Variants in PRR5L observed in about 807,000 individuals in gnomAD.
The protein encoded by PRR5L is proline rich 5 like, also known as proline-rich protein 5-like.
A neutral mutation model predicts 36.4 loss-of-function variants in PRR5L; 21 were observed. The ratio of observed to expected loss-of-function variants is 0.58; its 90% CI spans 0.41 to 0.83. The LOEUF is 0.83. Ranked by LOEUF, PRR5L falls within the 40% of genes least tolerant of loss-of-function variation. PRR5L has a pLI of 0.00. For synonymous variants in PRR5L, 188 were observed against 197.0 expected (o/e 0.95, Z 0.38); for missense variants, 381 against 473.3 (o/e 0.80, Z 1.81).
intron 1 of PRR5L, among the ~76,000 whole-genome samples, chr11:36,392,432 C>T (rs991963109): frequency 3.9e-5 from 6 of 152,136 alleles, no homozygotes; most frequent in African/African-American, 1.4e-4. Context: ...ACATTCCCAC[C>T]AACAGTATAT....
At chr11:36,322,843 A>T (rs973889124) in intron 1 of PRR5L, among the ~76,000 whole-genome samples, 1 of 152,180 alleles carries the variant, frequency 6.6e-6, no homozygotes, top group African/African-American at 2.4e-5. Flanking sequence ...TGGAGTCCTT[A>T]TAAAAAGAGA....
chr11:36,379,147 A>T (rs141788060), intron 1 of PRR5L, among the ~76,000 whole-genome samples: 35 of 152,370 alleles, frequency 2.3e-4, no homozygotes, highest in African/African-American at 8.2e-4. Context: ...CCTAAATCAT[A>T]ATCCTCACTT....
At chr11:36,318,403 T>C (rs1345400763) in intron 1 of PRR5L, among the ~76,000 whole-genome samples, 2 of 152,212 alleles carry the variant, frequency 1.3e-5, no homozygotes, top group African/African-American at 4.8e-5. Flanking sequence ...TATCTACTAG[T>C]TGCGAACCAT....
intron 6 of PRR5L, among the ~76,000 whole-genome samples, chr11:36,441,637 C>T (rs574290304): frequency 3.3e-5 from 5 of 152,328 alleles, no homozygotes; most frequent in South Asian, 2.1e-4. Flanking sequence ...CCCCTTCCCA[C>T]GGCTCCACTA....
At chr11:36,361,605 A>G (rs1857089595) in intron 1 of PRR5L, among the ~76,000 whole-genome samples, 1 of 152,212 alleles carries the variant, frequency 6.6e-6, no homozygotes, top group Non-Finnish European at 1.5e-5. Flanking sequence ...ACCAGAGGAA[A>G]GAAATCATTG....
intron 1 of PRR5L, among the ~76,000 whole-genome samples, chr11:36,394,942 T>C (rs1227727706): frequency 6.6e-6 from 1 of 152,222 alleles, no homozygotes; most frequent in Non-Finnish European, 1.5e-5. Context: ...CCCCCAGAGC[T>C]CTGAGTGATA....
At chr11:36,331,119 T>C (rs1227222220) in intron 1 of PRR5L, among the ~76,000 whole-genome samples, 1 of 152,202 alleles carries the variant, frequency 6.6e-6, no homozygotes, top group Non-Finnish European at 1.5e-5. Flanking sequence ...ATTGACAGAT[T>C]TCTAAGAACA....
chr11:36,353,161 G>A (rs929109976), intron 1 of PRR5L, among the ~76,000 whole-genome samples: 1 of 152,016 alleles, frequency 6.6e-6, no homozygotes, highest in East Asian at 1.9e-4. Flanking sequence ...TCATATGTTC[G>A]GCAGCATCCT....
intron 1 of PRR5L, among the ~76,000 whole-genome samples, chr11:36,303,757 A>G (rs142442774): frequency 0.012 from 1,877 of 152,334 alleles, 14 homozygotes; most frequent in Middle Eastern, 0.034. Flanking sequence ...GCTTAACTGG[A>G]ATGAAAAATT....
Position 36,422,530 on chromosome 11 carries a change from A to T in PRR5L, c.294+3227A>T, listed in dbSNP as rs540334922. Among the ~76,000 whole-genome samples, 3 of 152,188 alleles carry T rather than the reference A, an allele frequency of 2.0e-5. No homozygotes were observed. In the East Asian group the frequency reaches 5.8e-4, roughly 29 times the overall value. ...ATTCAGCAGTCAAGTCTGTCTCCTC[A>T]CCCTGACCCCCAACTCTGAGCTTGC... On this transcript the variant is annotated intron_variant, in intron 4 of 8. Transcript: ENST00000530639.
intron 3 of PRR5L, among the ~76,000 whole-genome samples, chr11:36,410,534 C>T (rs1020558746): frequency 6.6e-6 from 1 of 152,222 alleles, no homozygotes; most frequent in Admixed American, 6.5e-5. Context: ...TGAGGATACA[C>T]TCCTACCTGT....
chr11:36,332,154 C>G (rs76351152), intron 1 of PRR5L, among the ~76,000 whole-genome samples: 1,967 of 152,134 alleles, frequency 0.013, 49 homozygotes, highest in African/African-American at 0.045. Context: ...GAGGTACACA[C>G]AGAAATCAAT....
intron 1 of PRR5L, among the ~76,000 whole-genome samples, chr11:36,346,743 G>A (rs1471687176): frequency 6.6e-6 from 1 of 152,066 alleles, no homozygotes; most frequent in Non-Finnish European, 1.5e-5. Flanking sequence ...TATTAGCTCC[G>A]TAGGCAGTGA....
intron 3 of PRR5L, among the ~76,000 whole-genome samples, chr11:36,415,495 G>A (rs2133577189): frequency 6.6e-6 from 1 of 152,338 alleles, no homozygotes; most frequent in East Asian, 1.9e-4. Context: ...TGTAATCCTA[G>A]CACTTTGGGA....
intron 1 of PRR5L, among the ~76,000 whole-genome samples, chr11:36,330,682 A>C (rs1299037617): frequency 6.6e-6 from 1 of 152,238 alleles, no homozygotes; most frequent in African/African-American, 2.4e-5. Flanking sequence ...ATTATAATGT[A>C]ATTGATAAGA....
At chr11:36,402,304 T>A (rs1366979553) in intron 2 of PRR5L, among the ~76,000 whole-genome samples, 1 of 152,210 alleles carries the variant, frequency 6.6e-6, no homozygotes, top group East Asian at 1.9e-4. Flanking sequence ...AGTGCAGTGG[T>A]GCAATCTTGG....
At chr11:36,441,706 T>C in intron 6 of PRR5L, among the ~76,000 whole-genome samples, 1 of 152,146 alleles carries the variant, frequency 6.6e-6, no homozygotes, top group African/African-American at 2.4e-5. Context: ...GTAGAGTCTC[T>C]TTGTGGGGGC....
intron 1 of PRR5L, among the ~76,000 whole-genome samples, chr11:36,315,586 C>T (rs1856547218): frequency 6.6e-6 from 1 of 152,180 alleles, no homozygotes; most frequent in African/African-American, 2.4e-5. Context: ...TTCCTTTCAT[C>T]AGTGACACAT....
At chr11:36,412,450 T>C (rs1048823917) in intron 3 of PRR5L, among the ~76,000 whole-genome samples, 3 of 152,256 alleles carry the variant, frequency 2.0e-5, no homozygotes, top group African/African-American at 2.4e-5. Context: ...TAATTGCTTT[T>C]CTGTTGACAG....
Sources: gnomAD v4.1 joint callset for allele counts (sites outside exome capture counted in the v4.1 genomes callset) on GRCh38, gnomAD v4.1.1 for gene constraint, MANE v1.5 for transcripts, NCBI Gene and HGNC (gene_info 2026-07-23, HGNC 2026-07-21) for gene names.